RASGRF2: variants seen among roughly 807,000 people sequenced by gnomAD.
RASGRF2 encodes Ras protein specific guanine nucleotide releasing factor 2, also known as ras-specific guanine nucleotide-releasing factor 2.
A neutral mutation model predicts 151.0 loss-of-function variants in RASGRF2; 76 were observed. That is an observed-to-expected ratio of 0.50 (90% CI 0.42 to 0.61). The LOEUF (loss-of-function observed/expected upper bound fraction) is 0.61. RASGRF2 is among the 20% of genes least tolerant of loss of function. The probability of loss-of-function intolerance (pLI) is 0.00; values close to 1 mark genes in which losing one functional copy is unlikely to be tolerated. For synonymous variants in RASGRF2, 504 were observed against 566.5 expected, an observed-to-expected ratio of 0.89 and a Z score of 1.57; for missense variants, 1,148 against 1,564.6, an observed-to-expected ratio of 0.73 and a Z score of 4.49.
chr5:81,003,497 A>G (rs1749162256), intron 1 of RASGRF2, among the ~76,000 whole-genome samples: 1 of 152,130 alleles, frequency 6.6e-6, no homozygotes, highest in African/African-American at 2.4e-5. Flanking sequence ...TGCTGGGATT[A>G]CAGGCGTGAG....
At chr5:81,035,751 C>T (rs1469005340) in intron 1 of RASGRF2, among the ~76,000 whole-genome samples, 1 of 151,822 alleles carries the variant, frequency 6.6e-6, no homozygotes, top group Non-Finnish European at 1.5e-5. Context: ...ATGGAAAATA[C>T]GAATGTAAAG....
intron 21 of RASGRF2, among the ~76,000 whole-genome samples, chr5:81,208,097 A>G (rs1447628142): frequency 6.6e-6 from 1 of 152,218 alleles, no homozygotes; most frequent in Non-Finnish European, 1.5e-5. Flanking sequence ...AAGGCTTTAT[A>G]GGATCCTAAT....
chr5:81,162,915 C>T (rs1325113892), intron 17 of RASGRF2, among the ~76,000 whole-genome samples: 1 of 151,994 alleles, frequency 6.6e-6, no homozygotes, highest in Admixed American at 6.6e-5. Flanking sequence ...GGAGTAGGCT[C>T]CAGGCTGGGC....
chr5:81,094,772 G>A, intron 11 of RASGRF2, 84 bp from the exon 12 acceptor site: 1 of 1,429,074 alleles, frequency 7.0e-7, no homozygotes, highest in South Asian at 1.2e-5. Flanking sequence ...CAAATGGATT[G>A]TATAAATAGA....
rs1218014215 is a variant in RASGRF2, at chr5:81,109,086, T to C, written c.1838+8T>C. ...TGTGCCACATATGATTAAGTAAGTG[T>C]GAGAATCCTTTCCTTTACATTTTAA... On this transcript the variant is annotated splice_region_variant and intron_variant, in intron 13 of 26. Transcript: ENST00000265080. 6.2e-7 allele frequency: 1 copy of C among 1,605,076 alleles called. No homozygotes were observed. The highest frequency in any genetic ancestry group is 8.5e-7 in the Non-Finnish European group (1 of 1,173,522).
chr5:81,066,789 G>A (rs1025199639), intron 2 of RASGRF2, among the ~76,000 whole-genome samples: 1 of 152,190 alleles, frequency 6.6e-6, no homozygotes, highest in African/African-American at 2.4e-5. Context: ...GATTCCAAGG[G>A]GAAAGAATCC....
intron 1 of RASGRF2, among the ~76,000 whole-genome samples, chr5:81,026,371 A>C (rs1467744071): frequency 4.6e-5 from 7 of 151,874 alleles, no homozygotes; most frequent in Non-Finnish European, 1.0e-4. Flanking sequence ...AAGACTCTGC[A>C]ATGTGTCCCC....
chr5:81,159,929 T>G (rs1485231896), intron 17 of RASGRF2, among the ~76,000 whole-genome samples: 1 of 152,200 alleles, frequency 6.6e-6, no homozygotes, highest in African/African-American at 2.4e-5. Flanking sequence ...AAAGTTGATA[T>G]GTGTTAGGTG....
At chr5:81,183,275 C>G (rs1467021471) in intron 18 of RASGRF2, 9 of 982,386 alleles carry the variant, frequency 9.2e-6, no homozygotes, top group Admixed American at 6.1e-5. Context: ...AAGGCTGCCA[C>G]AGAGTGTTCG....
At chr5:81,055,245 A>G (rs1303640466) in intron 2 of RASGRF2, among the ~76,000 whole-genome samples, 6 of 152,288 alleles carry the variant, frequency 3.9e-5, no homozygotes, top group Admixed American at 6.5e-5. Flanking sequence ...CCCATTCAGT[A>G]TGATATTTGC....
At chr5:81,084,143 A>G (rs2112483978) in intron 7 of RASGRF2, among the ~76,000 whole-genome samples, 1 of 152,318 alleles carries the variant, frequency 6.6e-6, no homozygotes, top group East Asian at 1.9e-4. Flanking sequence ...ACTTTAAAAG[A>G]AATTTAAGTA....
chr5:81,019,432 C>T (rs543921455), intron 1 of RASGRF2: 1 of 152,356 alleles, frequency 6.6e-6, no homozygotes, highest in South Asian at 2.1e-4. Context: ...CTTTATCCAT[C>T]TAGCATCTGA....
chr5:81,162,171 TTC>T (rs1754399439), intron 17 of RASGRF2, among the ~76,000 whole-genome samples: 1 of 151,824 alleles, frequency 6.6e-6, no homozygotes, highest in Non-Finnish European at 1.5e-5. Flanking sequence ...CTGCTGGAAT[TTC>T]TTTTTCTTTT....
intron 15 of RASGRF2, among the ~76,000 whole-genome samples, chr5:81,121,226 C>T (rs758077530): frequency 6.6e-6 from 1 of 152,094 alleles, no homozygotes; most frequent in African/African-American, 2.4e-5. Flanking sequence ...AAGATGTTTG[C>T]GTGTATCACA....
chr5:81,115,034 A>G (rs991359302), intron 15 of RASGRF2, among the ~76,000 whole-genome samples: 2 of 152,194 alleles, frequency 1.3e-5, no homozygotes, highest in African/African-American at 4.8e-5. Flanking sequence ...GAAATTACAA[A>G]CAGCTTTTAA....
chr5:81,009,073 G>A (rs553892030), intron 1 of RASGRF2, among the ~76,000 whole-genome samples: 2 of 152,116 alleles, frequency 1.3e-5, no homozygotes, highest in Non-Finnish European at 2.9e-5. Context: ...ACTACCCCTG[G>A]GCCTGCAGCT....
chr5:81,099,539 T>C (rs1752638460), intron 12 of RASGRF2, among the ~76,000 whole-genome samples: 1 of 152,232 alleles, frequency 6.6e-6, no homozygotes, highest in African/African-American at 2.4e-5. Flanking sequence ...CCTTATTTCA[T>C]GATTCCTAGT....
In RASGRF2 at chr5:81,003,347, T is replaced by C. The variant is rs185757363; in HGVS notation, c.289-39530T>C. On this transcript the variant is annotated intron_variant, in intron 1 of 26. Transcript: ENST00000265080. Reference sequence around the variant, plus strand: ...ACGCCATTGTCCTGCCTCAGCCTCCTGAGTAGCTGGGACTACAGGTGCCCA... The same window carrying C: ...ACGCCATTGTCCTGCCTCAGCCTCCCGAGTAGCTGGGACTACAGGTGCCCA... Among the ~76,000 whole-genome samples the C allele has an allele frequency of 4.9e-3, 742 of 151,322 alleles. 14 individuals carry two copies. Among genetic ancestry groups the C allele is most frequent in the Admixed American group, 5.1e-3 (77 of 15,154 alleles).
chr5:81,131,758 C>G (rs2112581543), intron 17 of RASGRF2, among the ~76,000 whole-genome samples: 1 of 152,062 alleles, frequency 6.6e-6, no homozygotes, highest in Admixed American at 6.5e-5. Flanking sequence ...GTCATGCTCC[C>G]TTTGTTTACC....
Sources: allele counts gnomAD v4.1 joint callset (sites outside exome capture counted in the v4.1 genomes callset), GRCh38; gene constraint gnomAD v4.1.1; transcripts MANE v1.5; gene names NCBI Gene and HGNC (gene_info 2026-07-23, HGNC 2026-07-21).